FKBP4: variants seen among roughly 807,000 people sequenced by gnomAD.
The protein encoded by FKBP4 is peptidyl-prolyl cis-trans isomerase FKBP4.
A neutral mutation model predicts 54.1 loss-of-function variants in FKBP4; 28 were observed. That is an observed-to-expected ratio of 0.52 (90% confidence interval 0.38 to 0.71). FKBP4 has a LOEUF of 0.71. FKBP4 is among the 30% of genes least tolerant of loss of function. The pLI, the probability that FKBP4 is intolerant of heterozygous loss-of-function variation, is 0.00. For missense variants in FKBP4, 493 were observed against 574.4 expected (o/e 0.86, Z 1.45); for synonymous variants, 223 against 216.1 (o/e 1.03, Z -0.28).
At chr12:2,799,762 A>G in intron 5 of FKBP4, 88 bp from the exon 6 acceptor site, 1 of 1,123,710 alleles carries the variant, frequency 8.9e-7, no homozygotes, top group Non-Finnish European at 1.3e-6. Flanking sequence ...ATGGGAAGGT[A>G]CTTTCCAGGA....
chr12:2,801,085 C>T, intron 8 of FKBP4, 32 bp from the exon 9 acceptor site: 1 of 1,611,420 alleles, frequency 6.2e-7, no homozygotes, highest in Non-Finnish European at 8.5e-7. Context: ...CCCTGAGCTC[C>T]CACAATGTGG....
chr12:2,801,396 C>T (rs1276490546), intron 9 of FKBP4, 40 bp downstream of exon 9: 5 of 1,609,198 alleles, frequency 3.1e-6, no homozygotes, highest in Non-Finnish European at 4.3e-6. Context: ...TAGCATCCCT[C>T]CACTTAACCT....
rs201879189 is a variant in FKBP4 at position 2,801,301 on chromosome 12, G to A, written c.1217G>A (p.Arg406Gln). 3.0e-5 allele frequency: 48 copies of A among 1,614,142 alleles called. No individual in the cohort carries two copies. Among genetic ancestry groups the A allele is most frequent in the East Asian group, 1.3e-4 (6 of 44,884 alleles). The stretch of plus-strand genomic sequence containing the variant: ...CAGCGGATCCGAAGGCAGCTTGCCC[G>A]GGAGAAGAAGCTCTATGCCAATATG... ...CQQRIRRQLA[R>Q]EKKLYANMFE... Residue 406 changes from arginine (R) to glutamine (Q), a missense_variant, in exon 9 of 10, where the codon CGG becomes CAG. Physicochemically the swap from Arg to Gln is conservative, Grantham distance 43. Transcript: ENST00000001008.
In FKBP4 at chr12:2,799,952, C is replaced by T. The variant is rs933793400; in HGVS notation, c.762+12C>T. 6.8e-6 allele frequency: 11 copies of T among 1,613,880 alleles called. No homozygotes were observed. The East Asian group carries it at 2.2e-4, about 33-fold the overall frequency. On this transcript the variant is annotated intron_variant, in intron 6 of 9. Transcript: ENST00000001008. ...AGAGTTTTGAAAAGGTAAGTTTGCT[C>T]AGGGTCTTCCCATCTAAAGTCAAGT... is the stretch of plus-strand genomic sequence containing the variant.
chr12:2,797,710 T>A lies in FKBP4; in HGVS notation c.251-19T>A. On this transcript the variant is annotated intron_variant, in intron 2 of 9. Coordinates refer to ENST00000001008, the MANE Select transcript of FKBP4 (RefSeq NM_002014.4). ...TCAGAACCCTGCTAAGGCGGTCCTG[T>A]TTGCTTCTGTACCTGCAGGGGAGGT... The A allele has an allele frequency of 6.2e-7, 1 of 1,603,912 alleles. No homozygotes were observed. Among genetic ancestry groups the A allele is most frequent in the South Asian group, 1.1e-5 (1 of 90,152 alleles).
chr12:2,798,613 GCAGTTAGTAGGGACTCTCT>G lies in FKBP4; in HGVS notation c.394-91_394-73del, dbSNP rs1408844074. The G allele has an allele frequency of 6.3e-7, 1 of 1,590,974 alleles. No individual in the cohort carries two copies. The highest frequency in any genetic ancestry group is 1.7e-5 in the Admixed American group (1 of 59,348). ...TGCCCTTGTGGTCAGATCCGGCCTG[GCAGTTAGTAGGGACTCTCT>G]CGGATGAGAAAGATTGTGTTTCACT... On this transcript the variant is annotated intron_variant, in intron 3 of 9. Coordinates refer to ENST00000001008, the MANE Select transcript of FKBP4 (RefSeq NM_002014.4). The surrounding 1 kb of genome is among the most constrained non-coding windows in gnomAD (Gnocchi z 4.3).
intron 9 of FKBP4, 140 bp from the exon 10 acceptor site, chr12:2,803,011 A>G: frequency 1.6e-6 from 1 of 622,558 alleles, no homozygotes. Context: ...TACAGGCATA[A>G]GCCACCAGGC....
intron 9 of FKBP4, among the ~76,000 whole-genome samples, chr12:2,802,377 GC>G (rs2097905329): frequency 6.6e-6 from 1 of 151,976 alleles, no homozygotes; most frequent in Non-Finnish European, 1.5e-5. Flanking sequence ...TTAGTGATCT[GC>G]CCACCCCTGC....
At chr12:2,797,487 C>CT (rs1308121122) in intron 2 of FKBP4, among the ~76,000 whole-genome samples, 2 of 151,946 alleles carry the variant, frequency 1.3e-5, no homozygotes, top group Non-Finnish European at 2.9e-5. Context: ...CTCCCAACAC[C>CT]TTACTCCCCC....
At chr12:2,801,489 A>G (rs1373903820) in intron 9 of FKBP4, 133 bp downstream of exon 9, 27 of 1,270,104 alleles carry the variant, frequency 2.1e-5, no homozygotes, top group East Asian at 4.8e-5. Flanking sequence ...AGCATTAAGG[A>G]GCACGTGTTC....
intron 9 of FKBP4, among the ~76,000 whole-genome samples, chr12:2,802,723 G>C (rs1402718719): frequency 6.6e-6 from 1 of 152,148 alleles, no homozygotes; most frequent in Non-Finnish European, 1.5e-5. Flanking sequence ...ACATATACAA[G>C]TGTTCTGTTT....
At chr12:2,796,321 C>G (rs1255591005) in intron 1 of FKBP4, 2 of 1,289,202 alleles carry the variant, frequency 1.6e-6, no homozygotes, top group Non-Finnish European at 2.0e-6. Context: ...TGTGACTTCC[C>G]CTTCTCGCTC....
Position 2,795,882 on chromosome 12 carries a change from TCGGCCCCGGGGAGGC to T in FKBP4, c.105+642_105+656del. The T allele has an allele frequency of 2.2e-6, 2 of 916,806 alleles. No homozygotes were observed. Among genetic ancestry groups the T allele is most frequent in the Non-Finnish European group, 2.6e-6 (2 of 766,374 alleles). 56.8% of individuals were successfully genotyped at this position (916,806 alleles called of 1,614,324 possible). A position where few individuals can be genotyped will look rare whatever the true frequency, so the allele number is the denominator to read the frequency against. On this transcript the variant is annotated intron_variant, in intron 1 of 9. Transcript: ENST00000001008. This position sits in a 1 kb window ranked among gnomAD's most constrained non-coding sequence, Gnocchi z 4.3. ...CACTCGCCGCGCGGCGCCCCCTCCC[TCGGCCCCGGGGAGGC>T]CGGGCGCGGGGCATGCCGGGAGCTG...
chr12:2,801,618 G>A (rs181241908), intron 9 of FKBP4: 86 of 560,466 alleles, frequency 1.5e-4, no homozygotes, highest in Middle Eastern at 8.4e-4. Flanking sequence ...GCCAGGCGCC[G>A]TGGCTCACAC....
rs2097900748 is a variant in FKBP4, at chr12:2,794,981, T to A, written c.-159T>A. 3.0e-6 allele frequency: 1 copy of A among 338,872 alleles called. No individual in the cohort carries two copies. Among genetic ancestry groups the A allele is most frequent in the Non-Finnish European group, 5.2e-6 (1 of 191,656 alleles). The allele number at this position is 338,872 out of a possible 1,614,324, so 21.0% of individuals were successfully genotyped here. On this transcript the variant is annotated 5_prime_UTR_variant, in exon 1 of 10. Transcript: ENST00000001008. ...CCGCTCCTGACCCACCTACCCCAGCTCTCGCGCCGCGTGCAGAGGTGCTCA... is the reference window on the plus strand; with the variant it reads ...CCGCTCCTGACCCACCTACCCCAGCACTCGCGCCGCGTGCAGAGGTGCTCA...
rs189523208 is a variant in FKBP4 at position 2,796,970 on chromosome 12, T to C, written c.106-168T>C. The stretch of plus-strand genomic sequence containing the variant: ...ACCTCAAGAAAGACAAGAAGGTTAG[T>C]TGACTCATAAGCCAAGCTGCTAGTA... On this transcript the variant is annotated intron_variant, in intron 1 of 9. Coordinates refer to ENST00000001008, the MANE Select transcript of FKBP4 (RefSeq NM_002014.4). 85 of 1,399,272 alleles carry C rather than the reference T, an allele frequency of 6.1e-5. No individual in the cohort carries two copies. In the African/African-American group the frequency reaches 9.2e-4, roughly 15 times the overall value. 86.7% of individuals were successfully genotyped at this position (1,399,272 alleles called of 1,614,324 possible).
chr12:2,801,461 A>C (rs891183298), intron 9 of FKBP4, 105 bp downstream of exon 9: 24 of 1,533,022 alleles, frequency 1.6e-5, no homozygotes, highest in Middle Eastern at 1.7e-4. Context: ...CGGAAACCAG[A>C]AGTTGCCTTT....
rs1013232712 is a variant in FKBP4, at chr12:2,805,132, A to G, written c.*1874A>G. On this transcript the variant is annotated 3_prime_UTR_variant, in exon 10 of 10. Coordinates refer to ENST00000001008, the MANE Select transcript of FKBP4 (RefSeq NM_002014.4). ...GAAACTGAATCCTTGCAACCATCCT[A>G]CAAAGAAGGTATAACTTTAATAACC... 2.6e-5 allele frequency: 12 copies of G among 455,618 alleles called. No individual in the cohort carries two copies. The highest frequency in any genetic ancestry group is 2.2e-4 in the African/African-American group (11 of 50,060). The allele number at this position is 455,618 out of a possible 1,614,324, so 28.2% of individuals were successfully genotyped here.
chr12:2,802,497 T>TCA (rs536206842), intron 9 of FKBP4, among the ~76,000 whole-genome samples: 11 of 152,294 alleles, frequency 7.2e-5, no homozygotes, highest in Admixed American at 3.3e-4. Context: ...CACATGTAAT[T>TCA]CAAAATTTTC....
Sources: allele counts gnomAD v4.1 joint callset (sites outside exome capture counted in the v4.1 genomes callset), GRCh38; gene constraint gnomAD v4.1.1; non-coding constraint Gnocchi (gnomAD v3.1); transcripts MANE v1.5; gene names NCBI Gene and HGNC (gene_info 2026-07-23, HGNC 2026-07-21).